The following CPNE4 variants were observed in gnomAD, a reference collection of about 807,000 sequenced individuals.
CPNE4 encodes copine 4.
Under a neutral mutation model 67.9 loss-of-function variants are expected in CPNE4, and 25 were observed. The observed-to-expected ratio is 0.37, with a 90% CI of 0.27 to 0.51. CPNE4 has a LOEUF of 0.51. Ranked by LOEUF, CPNE4 falls within the 20% of genes least tolerant of loss-of-function variation. The probability of loss-of-function intolerance (pLI) is 0.93; values close to 1 mark genes in which losing one functional copy is unlikely to be tolerated. For synonymous variants in CPNE4, 242 were observed against 244.9 expected, an observed-to-expected ratio of 0.99 and a Z score of 0.11; for missense variants, 464 against 690.8, an observed-to-expected ratio of 0.67 and a Z score of 3.68.
chr3:131,701,503 A>C (rs1313796659), intron 3 of CPNE4, among the ~76,000 whole-genome samples: 1 of 152,194 alleles, frequency 6.6e-6, no homozygotes, highest in African/African-American at 2.4e-5. Flanking sequence ...TCTTATCACT[A>C]TCTTATATCT....
intron 1 of CPNE4, among the ~76,000 whole-genome samples, chr3:131,952,172 G>C (rs1441654387): frequency 1.1e-4 from 17 of 148,254 alleles, no homozygotes; most frequent in African/African-American, 4.2e-4. Flanking sequence ...ATCTCTGCCC[G>C]GCCGCCCATC....
intron 1 of CPNE4, among the ~76,000 whole-genome samples, chr3:131,982,996 T>C (rs1273047261): frequency 6.6e-6 from 1 of 152,096 alleles, no homozygotes; most frequent in African/African-American, 2.4e-5. Context: ...TATCTTTTAG[T>C]ACATTTAATT....
At chr3:131,551,769 A>T (rs1043814982) in intron 13 of CPNE4, among the ~76,000 whole-genome samples, 10 of 152,142 alleles carry the variant, frequency 6.6e-5, no homozygotes, top group Admixed American at 6.6e-4. Flanking sequence ...TGATCTTCAT[A>T]GCAACATAGG....
chr3:131,941,828 C>A (rs2071397510), intron 1 of CPNE4, among the ~76,000 whole-genome samples: 1 of 152,022 alleles, frequency 6.6e-6, no homozygotes, highest in African/African-American at 2.4e-5. Flanking sequence ...TATAAAATAT[C>A]ATAACCCTTT....
chr3:132,015,508 T>A (rs1022788107), intron 1 of CPNE4, among the ~76,000 whole-genome samples: 1 of 85,824 alleles, frequency 1.2e-5, no homozygotes, highest in Non-Finnish European at 2.7e-5. Context: ...TCCTTAGACA[T>A]ACACACTCAC....
At chr3:131,707,523 C>A (rs1410732312) in intron 3 of CPNE4, among the ~76,000 whole-genome samples, 1 of 152,152 alleles carries the variant, frequency 6.6e-6, no homozygotes, top group Non-Finnish European at 1.5e-5. Flanking sequence ...TTTTTGGGGG[C>A]CACTGTTTAG....
intron 2 of CPNE4, among the ~76,000 whole-genome samples, chr3:131,726,331 C>T (rs529353091): frequency 6.6e-6 from 1 of 152,264 alleles, no homozygotes; most frequent in African/African-American, 2.4e-5. Flanking sequence ...GGTAAGCTGC[C>T]AGCACTGAGT....
chr3:131,643,671 A>G (rs935778308), intron 7 of CPNE4, among the ~76,000 whole-genome samples: 1 of 152,164 alleles, frequency 6.6e-6, no homozygotes, highest in Non-Finnish European at 1.5e-5. Flanking sequence ...CTCATTTTGA[A>G]TTGTAGTTTC....
chr3:131,889,805 T>G (rs1433131045), intron 2 of CPNE4, among the ~76,000 whole-genome samples: 3 of 152,178 alleles, frequency 2.0e-5, no homozygotes, highest in Non-Finnish European at 2.9e-5. Flanking sequence ...TACAGTTAGC[T>G]GATCTTCGAT....
At chr3:131,656,049 G>GTT (rs1386655210) in intron 7 of CPNE4, among the ~76,000 whole-genome samples, 1 of 135,812 alleles carries the variant, frequency 7.4e-6, no homozygotes, top group African/African-American at 2.8e-5. Flanking sequence ...CCACAATACT[G>GTT]TTTCTTTTTT....
At chr3:131,789,033 CACAG>C (rs753675373) in intron 2 of CPNE4, among the ~76,000 whole-genome samples, 3,819 of 144,096 alleles carry the variant, frequency 0.027, 53 homozygotes, top group Non-Finnish European at 0.04. Context: ...CACACACACA[CACAG>C]AGAGAGAGAG....
chr3:131,660,270 C>A (rs558659440), intron 7 of CPNE4, among the ~76,000 whole-genome samples: 5 of 152,146 alleles, frequency 3.3e-5, no homozygotes, highest in Non-Finnish European at 7.3e-5. Flanking sequence ...GACATTGAAG[C>A]ACCTAGTGTT....
At chr3:131,815,806 A>C (rs1583254130) in intron 2 of CPNE4, among the ~76,000 whole-genome samples, 1 of 152,230 alleles carries the variant, frequency 6.6e-6, no homozygotes, top group South Asian at 2.1e-4. Context: ...GGAGGCAACC[A>C]GTGACCACAG....
At chr3:131,672,861 A>T (rs2080459074) in intron 6 of CPNE4, among the ~76,000 whole-genome samples, 1 of 151,298 alleles carries the variant, frequency 6.6e-6, no homozygotes, top group Non-Finnish European at 1.5e-5. Flanking sequence ...CCCTTTGTCC[A>T]TTTTTGCTTG....
At position 131,971,008 on chromosome 3, in the gene CPNE4, A is replaced by G. The variant is rs571987621; in HGVS notation, c.-2+63559T>C. Among the ~76,000 whole-genome samples, 4 of 152,354 alleles carry G rather than the reference A, an allele frequency of 2.6e-5. 1 individual carries two copies. The South Asian group carries it at 8.3e-4, about 32-fold the overall frequency. On this transcript the variant is annotated intron_variant, in intron 1 of 15. Transcript: ENST00000429747. Reference sequence around the variant, plus strand: ...GGATCAATTCTCAGATCACTAGATCATCTGCTAGATGATTCTTCTGTTCCA... The same window carrying G: ...GGATCAATTCTCAGATCACTAGATCGTCTGCTAGATGATTCTTCTGTTCCA...
In CPNE4 at chr3:131,552,426, A is replaced by T. The variant is rs201386061; in HGVS notation, c.1168+14T>A. 6 of 1,611,172 alleles carry T rather than the reference A, an allele frequency of 3.7e-6. No individual in the cohort carries two copies. The highest frequency in any genetic ancestry group is 5.1e-6 in the Non-Finnish European group (6 of 1,177,890). On this transcript the variant is annotated intron_variant, in intron 13 of 15. Coordinates refer to ENST00000429747, the MANE Select transcript of CPNE4 (RefSeq NM_130808.3). ...AGGACTGTGACACTGGCTTTCTTTC[A>T]CGTTGTGCTTTACCTGCACATTCTG...
intron 2 of CPNE4, among the ~76,000 whole-genome samples, chr3:131,743,345 C>A (rs11924905): frequency 1.3e-5 from 2 of 151,902 alleles, no homozygotes; most frequent in Non-Finnish European, 2.9e-5. Context: ...CTAACCTTTA[C>A]AAAATAGATA....
At chr3:131,885,905 A>C (rs1181008051) in intron 2 of CPNE4, among the ~76,000 whole-genome samples, 1 of 152,254 alleles carries the variant, frequency 6.6e-6, no homozygotes, top group East Asian at 1.9e-4. Flanking sequence ...TTTAAAAGGG[A>C]AACAGAGCAT....
intron 1 of CPNE4, among the ~76,000 whole-genome samples, chr3:132,034,217 T>C (rs1233926566): frequency 6.6e-6 from 1 of 151,818 alleles, no homozygotes; most frequent in East Asian, 1.9e-4. Context: ...CCTTCCCCGA[T>C]TTTGAAAACC....
Sources: allele counts gnomAD v4.1 joint callset (sites outside exome capture counted in the v4.1 genomes callset), GRCh38; gene constraint gnomAD v4.1.1; transcripts MANE v1.5; gene names NCBI Gene and HGNC (gene_info 2026-07-23, HGNC 2026-07-21).